NRXN1: variants seen among roughly 807,000 people sequenced by gnomAD.
NRXN1 encodes neurexin-1.
NRXN1 carries 39 observed loss-of-function variants against 150.9 expected under a neutral mutation model. The ratio of observed to expected loss-of-function variants is 0.26; its 90% CI spans 0.20 to 0.34. NRXN1 has a LOEUF of 0.34. NRXN1 is among the 10% of genes least tolerant of loss of function. NRXN1 has a pLI of 1.00. For synonymous variants in NRXN1, 924 were observed against 757.0 expected (o/e 1.22, Z -3.62); for missense variants, 1,815 against 1,949.9 (o/e 0.93, Z 1.30).
At chr2:50,192,569 T>C (rs1290162814) in intron 18 of NRXN1, among the ~76,000 whole-genome samples, 1 of 144,292 alleles carries the variant, frequency 6.9e-6, no homozygotes, top group Non-Finnish European at 1.5e-5. Flanking sequence ...TACCTATATA[T>C]CCACACAGGC....
intron 5 of NRXN1, among the ~76,000 whole-genome samples, chr2:50,750,908 T>C (rs1386429635): frequency 6.6e-6 from 1 of 152,080 alleles, no homozygotes; most frequent in Non-Finnish European, 1.5e-5. Flanking sequence ...TATTTCTTCA[T>C]GCATGATGGT....
intron 5 of NRXN1, among the ~76,000 whole-genome samples, chr2:50,846,555 G>A (rs559622774): frequency 2.0e-5 from 3 of 152,128 alleles, no homozygotes; most frequent in African/African-American, 7.2e-5. Context: ...AAATATGGTG[G>A]CAATAAATAG....
At chr2:50,000,634 A>G (rs1178447092) in intron 21 of NRXN1, among the ~76,000 whole-genome samples, 1 of 152,172 alleles carries the variant, frequency 6.6e-6, no homozygotes, top group Non-Finnish European at 1.5e-5. Flanking sequence ...ATTCCTAAAC[A>G]ATAGAGATTA....
At chr2:50,991,334 CTAAA>C (rs1458524844) in intron 2 of NRXN1, among the ~76,000 whole-genome samples, 5 of 151,904 alleles carry the variant, frequency 3.3e-5, no homozygotes, top group Non-Finnish European at 5.9e-5. Context: ...AGGTGACCTC[CTAAA>C]TAAATTATAC....
At chr2:50,544,505 T>C (rs2093453013) in intron 9 of NRXN1, among the ~76,000 whole-genome samples, 1 of 152,132 alleles carries the variant, frequency 6.6e-6, no homozygotes, top group Non-Finnish European at 1.5e-5. Context: ...ATCTGTTTTC[T>C]GCTTACTTGA....
At chr2:50,922,727 G>C in intron 3 of NRXN1, 40 bp from the exon 4 acceptor site, 2 of 1,605,300 alleles carry the variant, frequency 1.2e-6, no homozygotes, top group Non-Finnish European at 1.7e-6. Flanking sequence ...ATAAACAAGG[G>C]AGCATGGGAA....
intron 17 of NRXN1, among the ~76,000 whole-genome samples, chr2:50,257,529 C>T (rs1239608341): frequency 6.6e-6 from 1 of 151,906 alleles, no homozygotes; most frequent in Non-Finnish European, 1.5e-5. Context: ...AAATGTCTTT[C>T]TCAAGGGCCT....
At chr2:51,003,047 A>G (rs1355410488) in intron 2 of NRXN1, among the ~76,000 whole-genome samples, 1 of 151,952 alleles carries the variant, frequency 6.6e-6, no homozygotes, top group Non-Finnish European at 1.5e-5. Context: ...AATGATCTTG[A>G]AAAAGGAGGA....
chr2:50,563,994 T>C (rs1035608853), intron 8 of NRXN1, among the ~76,000 whole-genome samples: 2 of 152,234 alleles, frequency 1.3e-5, no homozygotes, highest in Admixed American at 1.3e-4. Context: ...TTTTTCCAAG[T>C]AGACTTGTTC....
intron 16 of NRXN1, 47 bp from the exon 17 acceptor site, chr2:50,465,608 A>G (rs1558778853): frequency 4.5e-6 from 7 of 1,545,284 alleles, no homozygotes; most frequent in Non-Finnish European, 4.4e-6. Flanking sequence ...AAGAATCCAA[A>G]AGCATTTTAT....
chr2:50,994,831 G>T (rs1473546898), intron 2 of NRXN1, among the ~76,000 whole-genome samples: 1 of 151,912 alleles, frequency 6.6e-6, no homozygotes, highest in Non-Finnish European at 1.5e-5. Context: ...GGTACAGCAA[G>T]CACAGGATAC....
chr2:50,500,029 C>G (rs2091866576), intron 13 of NRXN1, among the ~76,000 whole-genome samples: 1 of 151,598 alleles, frequency 6.6e-6, no homozygotes, highest in Non-Finnish European at 1.5e-5. Flanking sequence ...AAAATATGAG[C>G]CTTAACTCAG....
intron 2 of NRXN1, among the ~76,000 whole-genome samples, chr2:51,004,550 G>T (rs537145053): frequency 6.6e-6 from 1 of 152,062 alleles, no homozygotes; most frequent in South Asian, 2.1e-4. Flanking sequence ...GGCTGAGACA[G>T]GAGAATCGCT....
intron 16 of NRXN1, 89 bp downstream of exon 16, chr2:50,472,209 T>C (rs2089545362): frequency 8.7e-7 from 1 of 1,150,554 alleles, no homozygotes; most frequent in Non-Finnish European, 1.2e-6. Context: ...TTTGACCAGT[T>C]ATCAGAATTT....
chr2:50,901,582 T>C (rs1682960851), intron 5 of NRXN1, among the ~76,000 whole-genome samples: 1 of 152,146 alleles, frequency 6.6e-6, no homozygotes, highest in Non-Finnish European at 1.5e-5. Flanking sequence ...TTAATTATGC[T>C]TTCAAAGTTC....
intron 5 of NRXN1, among the ~76,000 whole-genome samples, chr2:50,791,225 G>T (rs1705964392): frequency 7.0e-6 from 1 of 143,506 alleles, no homozygotes; most frequent in Non-Finnish European, 1.5e-5. Flanking sequence ...GAATGTAAAT[G>T]CTTTACTAAC....
At position 50,528,554 on chromosome 2, in the gene NRXN1, C is replaced by G. The variant is rs975576031; in HGVS notation, c.2374+71G>C. On this transcript the variant is annotated intron_variant, in intron 12 of 22. Coordinates refer to ENST00000401669, the MANE Select transcript of NRXN1 (RefSeq NM_001330078.2). ...TAAACACATTTCTCTTGCTCTCTCT[C>G]TCTCTTTTTCTTGACTAGCTTACAT... 6 of 861,236 alleles carry G rather than the reference C, an allele frequency of 7.0e-6. No individual in the cohort carries two copies. The African/African-American group carries it at 1.0e-4, about 15-fold the overall frequency. The allele number at this position is 861,236 out of a possible 1,614,324, so 53.3% of individuals were successfully genotyped here. A position where few individuals can be genotyped will look rare whatever the true frequency, so the allele number is the denominator to read the frequency against.
At chr2:50,087,772 C>T (rs997862010) in intron 19 of NRXN1, among the ~76,000 whole-genome samples, 5 of 152,066 alleles carry the variant, frequency 3.3e-5, no homozygotes, top group Admixed American at 2.6e-4. Context: ...TCAAAAAGAG[C>T]ATAAAATCTA....
At chr2:50,254,566 C>T (rs566723178) in intron 17 of NRXN1, among the ~76,000 whole-genome samples, 1 of 150,554 alleles carries the variant, frequency 6.6e-6, no homozygotes, top group African/African-American at 2.5e-5. Flanking sequence ...CTCTAAATTT[C>T]CCTCTTAACA....
Sources: gnomAD v4.1 joint callset for allele counts (sites outside exome capture counted in the v4.1 genomes callset) on GRCh38, gnomAD v4.1.1 for gene constraint, MANE v1.5 for transcripts, NCBI Gene and HGNC (gene_info 2026-07-23, HGNC 2026-07-21) for gene names.